LRRC8C: variants seen among roughly 807,000 people sequenced by gnomAD.
LRRC8C encodes the protein volume-regulated anion channel subunit LRRC8C.
In LRRC8C, 20 loss-of-function variants were observed where a neutral mutation model predicts 55.3. That is an observed-to-expected ratio of 0.36 (90% confidence interval 0.25 to 0.53). The LOEUF (loss-of-function observed/expected upper bound fraction) is 0.53. Among genes scored for constraint, LRRC8C ranks in the 20% least tolerant of loss-of-function variants. The pLI is 0.92. For missense variants in LRRC8C, 659 were observed against 951.4 expected (o/e 0.69, Z 4.04); for synonymous variants, 376 against 360.7 (o/e 1.04, Z -0.48).
intron 1 of LRRC8C, among the ~76,000 whole-genome samples, chr1:89,658,224 G>A (rs1657005728): frequency 6.6e-6 from 1 of 151,974 alleles, no homozygotes; most frequent in South Asian, 2.1e-4. Context: ...ATTTCTGCCC[G>A]ACCTCTTCCT....
At chr1:89,645,358 A>G (rs1656580597) in intron 1 of LRRC8C, among the ~76,000 whole-genome samples, 1 of 152,294 alleles carries the variant, frequency 6.6e-6, no homozygotes, top group African/African-American at 2.4e-5. Context: ...AAAAAATTGC[A>G]CAGAGCCATA....
chr1:89,694,819 C>G (rs1324011933), intron 2 of LRRC8C, among the ~76,000 whole-genome samples: 2 of 151,624 alleles, frequency 1.3e-5, no homozygotes, highest in East Asian at 3.9e-4. Flanking sequence ...AACTTCTGAC[C>G]TCAAGTGATC....
chr1:89,616,737 G>A, the LRRC8C span, among the ~76,000 whole-genome samples: 1 of 152,194 alleles, frequency 6.6e-6, no homozygotes, highest in East Asian at 1.9e-4. Flanking sequence ...CAGTAAAGGA[G>A]AGCATAAAGT....
chr1:89,632,362 T>G (rs1181740675), upstream of LRRC8C, among the ~76,000 whole-genome samples: 1 of 152,180 alleles, frequency 6.6e-6, no homozygotes, highest in East Asian at 1.9e-4. Flanking sequence ...GCATTCCAAC[T>G]GAGTCTCCCT....
At chr1:89,620,835 G>C in the LRRC8C span, among the ~76,000 whole-genome samples, 1,040 of 152,254 alleles carry the variant, frequency 6.8e-3, 10 homozygotes, top group Middle Eastern at 0.027. Context: ...CTGTTCTTCA[G>C]GGTCTTAACA....
chr1:89,625,966 T>C, the LRRC8C span, among the ~76,000 whole-genome samples: 1 of 152,194 alleles, frequency 6.6e-6, no homozygotes, highest in Admixed American at 6.5e-5. Flanking sequence ...GTCACATTCT[T>C]TAGGAGATAT....
intron 2 of LRRC8C, among the ~76,000 whole-genome samples, chr1:89,709,444 C>T (rs1658581920): frequency 6.6e-6 from 1 of 152,214 alleles, no homozygotes; most frequent in Non-Finnish European, 1.5e-5. Context: ...GTGCACACAG[C>T]TGAGTGAGAG....
At chr1:89,686,052 C>CAAA (rs74261777) in intron 1 of LRRC8C, among the ~76,000 whole-genome samples, 2 of 73,106 alleles carry the variant, frequency 2.7e-5, no homozygotes, top group African/African-American at 4.5e-5. Context: ...TGGTTTAAAG[C>CAAA]AAAAAAAAAA....
intron 1 of LRRC8C, among the ~76,000 whole-genome samples, chr1:89,655,460 G>T (rs1388640197): frequency 6.6e-6 from 1 of 152,098 alleles, no homozygotes; most frequent in Non-Finnish European, 1.5e-5. Flanking sequence ...AATGACTGAT[G>T]ATCTATATCT....
At chr1:89,691,531 G>A (rs1658027706) in intron 2 of LRRC8C, among the ~76,000 whole-genome samples, 1 of 152,210 alleles carries the variant, frequency 6.6e-6, no homozygotes. Flanking sequence ...AATGCTAATA[G>A]CACATCCATG....
chr1:89,678,571 A>G (rs1378908640), intron 1 of LRRC8C, among the ~76,000 whole-genome samples: 1 of 152,124 alleles, frequency 6.6e-6, no homozygotes, highest in African/African-American at 2.4e-5. Flanking sequence ...ATGGTGGTGC[A>G]TACCTGTAAT....
intron 1 of LRRC8C, among the ~76,000 whole-genome samples, chr1:89,667,884 T>A (rs1177859020): frequency 6.6e-6 from 1 of 152,120 alleles, no homozygotes; most frequent in Non-Finnish European, 1.5e-5. Flanking sequence ...CTGGAAACAT[T>A]GTGGGACCTG....
chr1:89,643,388 A>G (rs1343963443), intron 1 of LRRC8C, among the ~76,000 whole-genome samples: 2 of 152,348 alleles, frequency 1.3e-5, no homozygotes, highest in South Asian at 4.1e-4. Context: ...AGCTGGGAGG[A>G]CATATTCTTA....
At chr1:89,627,928 C>G in the LRRC8C span, among the ~76,000 whole-genome samples, 1 of 152,198 alleles carries the variant, frequency 6.6e-6, no homozygotes, top group Non-Finnish European at 1.5e-5. Context: ...CTCATTGGAG[C>G]ATTTTAGACT....
intron 1 of LRRC8C, among the ~76,000 whole-genome samples, chr1:89,642,227 A>G (rs1249077635): frequency 1.3e-5 from 2 of 152,130 alleles, no homozygotes; most frequent in African/African-American, 2.4e-5. Context: ...ATCCTGCTAG[A>G]TAGTTATATT....
intron 1 of LRRC8C, among the ~76,000 whole-genome samples, chr1:89,671,655 A>T (rs1428671608): frequency 1.3e-5 from 2 of 152,214 alleles, no homozygotes; most frequent in Admixed American, 6.5e-5. Flanking sequence ...ACTTGGTACA[A>T]ACATAGGCTA....
intron 1 of LRRC8C, among the ~76,000 whole-genome samples, chr1:89,676,689 G>C (rs1306649232): frequency 6.6e-6 from 1 of 152,146 alleles, no homozygotes; most frequent in African/African-American, 2.4e-5. Flanking sequence ...ACAGAGATGA[G>C]ATATAAATTC....
intron 2 of LRRC8C, among the ~76,000 whole-genome samples, chr1:89,688,396 A>G (rs1657938013): frequency 6.6e-6 from 1 of 152,202 alleles, no homozygotes; most frequent in Non-Finnish European, 1.5e-5. Flanking sequence ...AAAATAAGCA[A>G]AATCAATTAG....
chr1:89,625,917 ATGAAAAGAC>A, the LRRC8C span, among the ~76,000 whole-genome samples: 3 of 152,226 alleles, frequency 2.0e-5, no homozygotes, highest in Non-Finnish European at 4.4e-5. Flanking sequence ...ATATGGTGTT[ATGAAAAGAC>A]TGAAAAATTT....
Sources: allele counts gnomAD v4.1 joint callset (sites outside exome capture counted in the v4.1 genomes callset), GRCh38; gene constraint gnomAD v4.1.1; transcripts MANE v1.5; gene names NCBI Gene and HGNC (gene_info 2026-07-23, HGNC 2026-07-21).